Variants in USP35 observed in about 807,000 individuals in gnomAD.
USP35 encodes the protein ubiquitin carboxyl-terminal hydrolase 35.
In USP35, 69 loss-of-function variants were observed where a neutral mutation model predicts 83.8. The ratio of observed to expected loss-of-function variants is 0.82; its 90% CI spans 0.68 to 1.01. USP35 has a LOEUF of 1.01. Ranked by LOEUF, USP35 falls within the 50% of genes least tolerant of loss-of-function variation. The probability of loss-of-function intolerance (pLI) is 0.00; values close to 1 mark genes in which losing one functional copy is unlikely to be tolerated. For synonymous variants in USP35, 714 were observed against 589.5 expected (o/e 1.21, Z -3.06); for missense variants, 1,503 against 1,362.5 (o/e 1.10, Z -1.62).
chr11:78,213,868 G>C lies in USP35; in HGVS notation c.*55G>C. On this transcript the variant is annotated 3_prime_UTR_variant, in exon 11 of 11. Transcript: ENST00000529308. ...CCTCCAGGAGCCAGGTAGGGCCTGA[G>C]GGAAGCTGTGGAGGCAGGCCCTACC... 1 of 1,522,082 alleles carries C rather than the reference G, an allele frequency of 6.6e-7. No individual in the cohort carries two copies. The highest frequency in any genetic ancestry group is 2.6e-5 in the East Asian group (1 of 38,196). 94.3% of individuals were successfully genotyped at this position (1,522,082 alleles called of 1,614,324 possible).
intron 4 of USP35, 40 bp downstream of exon 4, chr11:78,199,764 T>A: frequency 6.2e-7 from 1 of 1,613,822 alleles, no homozygotes. Context: ...CAGCCTTTTG[T>A]ACTAGGCTCT....
chr11:78,224,071 G>A, the USP35 span, among the ~76,000 whole-genome samples: 1 of 152,088 alleles, frequency 6.6e-6, no homozygotes, highest in Non-Finnish European at 1.5e-5. Context: ...GACAGAGTGA[G>A]ACTCTGTTTC....
chr11:78,212,453 G>GT (rs35560652), intron 10 of USP35, among the ~76,000 whole-genome samples: 35,237 of 152,022 alleles, frequency 0.23, 4,460 homozygotes, highest in East Asian at 0.41. Context: ...TTTTAAAATA[G>GT]TTTTTTCTAA....
At chr11:78,200,457 G>A (rs1239193816) in intron 5 of USP35, among the ~76,000 whole-genome samples, 193 bp from the exon 6 acceptor site, 1 of 152,230 alleles carries the variant, frequency 6.6e-6, no homozygotes, top group Non-Finnish European at 1.5e-5. Flanking sequence ...GAGGCAGGGT[G>A]TCTTAGATCA....
At chr11:78,232,099 G>C in the USP35 span, among the ~76,000 whole-genome samples, 1 of 152,222 alleles carries the variant, frequency 6.6e-6, no homozygotes, top group Non-Finnish European at 1.5e-5. Flanking sequence ...CTGTATATGT[G>C]AAACTAAAAG....
chr11:78,213,773 C>T lies in USP35; in HGVS notation c.3017C>T (p.Ala1006Val), dbSNP rs551223488. The change falls in exon 11 of 11, where the codon GCA becomes GTA. Residue 1006 changes from alanine to valine, a missense_variant. Coordinates refer to ENST00000529308, the MANE Select transcript of USP35 (RefSeq NM_020798.4). ...DEGSPGGCNP[A>V]GGNGGDFHRL... ...GGCTCTCCAGGGGGCTGCAATCCTG[C>T]AGGTGGCAATGGTGGTGACTTCCAC... 11 of 1,550,286 alleles carry T rather than the reference C, an allele frequency of 7.1e-6. No homozygotes were observed. In the Admixed American group the frequency reaches 1.8e-4, roughly 25 times the overall value.
intron 1 of USP35, among the ~76,000 whole-genome samples, chr11:78,191,247 C>T (rs964571908): frequency 6.6e-6 from 1 of 152,198 alleles, no homozygotes; most frequent in Non-Finnish European, 1.5e-5. Flanking sequence ...AGTCAACACT[C>T]GGCAGAAATG....
Position 78,196,249 on chromosome 11 carries a change from G to A in USP35, c.4G>A (p.Asp2Asn), listed in dbSNP as rs1298724168. Residue 2 changes from aspartate (D) to asparagine (N), a missense_variant, in exon 2 of 11, where the codon GAC becomes AAC. Asp to Asn is a conservative substitution (Grantham distance 23). Coordinates refer to ENST00000529308, the MANE Select transcript of USP35 (RefSeq NM_020798.4). The surrounding 1 kb of genome is among the most constrained non-coding windows in gnomAD (Gnocchi z 4.8). ...TGTCCTCCGCAGCGCGGGCGCCATG[G>A]ACAAGATCTTGGAGGCGGTGGTGAC... M[D>N]KILEAVVTSS... 3 of 1,592,304 alleles carry A rather than the reference G, an allele frequency of 1.9e-6. No individual in the cohort carries two copies. Among genetic ancestry groups the A allele is most frequent in the Non-Finnish European group, 2.6e-6 (3 of 1,176,244 alleles).
the USP35 span, among the ~76,000 whole-genome samples, chr11:78,236,875 A>AAT: frequency 6.6e-6 from 1 of 152,144 alleles, no homozygotes. Flanking sequence ...TATTCCCTAA[A>AAT]ATATATATAT....
chr11:78,210,642 G>C lies in USP35; in HGVS notation c.2787G>C (p.Glu929Asp). The change falls in exon 10 of 11, where the codon GAG (glutamate) becomes GAC (aspartate). Residue 929 changes from glutamate (E) to aspartate (D), a missense_variant. Transcript: ENST00000529308. ...TGTTTTACCGGCAGCGGCCCAGGGA[G>C]GGGCCCGAGGCTGAGTTGGGCTCTT... is the stretch of plus-strand genomic sequence containing the variant. ...YVLFYRQRPREGPEAELGSSR... is the reference protein window; with the variant it reads ...YVLFYRQRPRDGPEAELGSSR... 1.9e-6 allele frequency: 3 copies of C among 1,614,092 alleles called. No homozygotes were observed. The South Asian group carries it at 3.3e-5, about 18-fold the overall frequency.
chr11:78,200,024 T>C (rs1484039551), intron 4 of USP35, 109 bp from the exon 5 acceptor site: 7 of 1,214,988 alleles, frequency 5.8e-6, no homozygotes, highest in African/African-American at 4.5e-5. Context: ...TTGATCCCTC[T>C]GCATGGGTTT....
In USP35 at chr11:78,209,463, G is replaced by A. The variant is rs756633955; in HGVS notation, c.1608G>A (p.Glu536=). ...KYLLDRLHEE[E]KTGTRICQKL... Reference sequence around the variant, plus strand: ...TCTGCCCCAGGCTGCACGAAGAGGAGAAAACGGGCACAAGGATCTGCCAGA... The same window carrying A: ...TCTGCCCCAGGCTGCACGAAGAGGAAAAAACGGGCACAAGGATCTGCCAGA... The change falls in exon 10 of 11, where the codon GAG becomes GAA. Residue 536 remains glutamate (E), a synonymous_variant. Transcript: ENST00000529308. The A allele has an allele frequency of 2.5e-6, 4 of 1,607,414 alleles. No homozygotes were observed. In the South Asian group the frequency reaches 4.4e-5, roughly 18 times the overall value.
chr11:78,223,693 T>C, the USP35 span: 1 of 1,567,730 alleles, frequency 6.4e-7, no homozygotes, highest in African/African-American at 1.4e-5. Flanking sequence ...AGAGGAACAG[T>C]GAAAGAAATA....
At chr11:78,200,613 G>A in intron 5 of USP35, 37 bp from the exon 6 acceptor site, 1 of 1,572,432 alleles carries the variant, frequency 6.4e-7, no homozygotes, top group Middle Eastern at 1.8e-4. Flanking sequence ...CAGGTGGGCG[G>A]GTTGGTGCTG....
At chr11:78,206,638 T>A (rs1425146496) in intron 7 of USP35, among the ~76,000 whole-genome samples, 1 of 152,218 alleles carries the variant, frequency 6.6e-6, no homozygotes, top group Admixed American at 6.5e-5. Context: ...TAGTTTTGTT[T>A]TTCTTTTCTA....
chr11:78,196,363 G>T lies in USP35; in HGVS notation c.118G>T (p.Ala40Ser), dbSNP rs769308613. 6 of 1,530,044 alleles carry T rather than the reference G, an allele frequency of 3.9e-6. No individual in the cohort carries two copies. In the African/African-American group the frequency reaches 8.7e-5, roughly 22 times the overall value. The allele number at this position is 1,530,044 out of a possible 1,614,324, so 94.8% of individuals were successfully genotyped here. ...GCCGCTGGAGCGTGAGCAGTGCCTGGCGCTGCTGGCGCTGGGCGCGCGCCT... is the reference window on the plus strand; with the variant it reads ...GCCGCTGGAGCGTGAGCAGTGCCTGTCGCTGCTGGCGCTGGGCGCGCGCCT... The part of the protein sequence containing the change: ...RQPLEREQCL[A>S]LLALGARLYV... The change falls in exon 2 of 11, where the codon GCG becomes TCG. Residue 40 changes from alanine to serine, a missense_variant. Physicochemically the swap from Ala to Ser is moderately conservative, Grantham distance 99. Coordinates refer to ENST00000529308, the MANE Select transcript of USP35 (RefSeq NM_020798.4). This position sits in a 1 kb window ranked among gnomAD's most constrained non-coding sequence, Gnocchi z 4.8.
chr11:78,196,490 C>A lies in USP35; in HGVS notation c.245C>A (p.Ala82Glu). The change falls in exon 2 of 11, where the codon GCG becomes GAG. Residue 82 changes from alanine (A) to glutamate (E), a missense_variant. Physicochemically the swap from Ala to Glu is moderately radical, Grantham distance 107 (BLOSUM62 -1). Coordinates refer to ENST00000529308, the MANE Select transcript of USP35 (RefSeq NM_020798.4). The surrounding 1 kb of genome is among the most constrained non-coding windows in gnomAD (Gnocchi z 4.8). Reference sequence around the variant, plus strand: ...GACGTCTTCGCCGAGTTCTTCAGCGCGCGTCGCGTGCTGCGCCTGCTGCAG... The same window carrying A: ...GACGTCTTCGCCGAGTTCTTCAGCGAGCGTCGCGTGCTGCGCCTGCTGCAG... ...HPDVFAEFFS[A>E]RRVLRLLQGG... 1.6e-6 allele frequency: 2 copies of A among 1,234,294 alleles called. No individual in the cohort carries two copies. Among genetic ancestry groups the A allele is most frequent in the South Asian group, 2.3e-5 (1 of 42,740 alleles). 76.5% of individuals were successfully genotyped at this position (1,234,294 alleles called of 1,614,324 possible). A position where few individuals can be genotyped will look rare whatever the true frequency, so the allele number is the denominator to read the frequency against.
chr11:78,209,469 G>A lies in USP35; in HGVS notation c.1614G>A (p.Thr538=), dbSNP rs368974177. Reference sequence around the variant, plus strand: ...CCAGGCTGCACGAAGAGGAGAAAACGGGCACAAGGATCTGCCAGAAACTCA... The same window carrying A: ...CCAGGCTGCACGAAGAGGAGAAAACAGGCACAAGGATCTGCCAGAAACTCA... The part of the protein sequence containing the change: ...LLDRLHEEEK[T]GTRICQKLKQ... Residue 538 remains threonine, a synonymous_variant, in exon 10 of 11, where the codon ACG becomes ACA. Transcript: ENST00000529308. 41 of 1,608,548 alleles carry A rather than the reference G, an allele frequency of 2.5e-5. No homozygotes were observed. Among genetic ancestry groups the A allele is most frequent in the African/African-American group, 8.0e-5 (6 of 74,812 alleles).
At chr11:78,221,604 G>C in the USP35 span, 3 of 830,654 alleles carry the variant, frequency 3.6e-6, no homozygotes, top group African/African-American at 1.7e-5. Flanking sequence ...AGCTAAGCTG[G>C]GAAGTGGGGA....
Sources: gnomAD v4.1 joint callset for allele counts (sites outside exome capture counted in the v4.1 genomes callset) on GRCh38, gnomAD v4.1.1 for gene constraint, Gnocchi (gnomAD v3.1) non-coding constraint, MANE v1.5 for transcripts, NCBI Gene and HGNC (gene_info 2026-07-23, HGNC 2026-07-21) for gene names.